MEGF11: variants seen among roughly 807,000 people sequenced by gnomAD.
MEGF11 encodes the protein multiple EGF like domains 11, also known as multiple epidermal growth factor-like domains protein 11.
A neutral mutation model predicts 146.6 loss-of-function variants in MEGF11; 126 were observed. The observed-to-expected ratio is 0.86, with a 90% CI of 0.74 to 1.00. The LOEUF is 1.00. MEGF11 is among the 50% of genes least tolerant of loss of function. The pLI is 0.00. For synonymous variants in MEGF11, 532 were observed against 583.4 expected (o/e 0.91, Z 1.27); for missense variants, 1,509 against 1,521.2 (o/e 0.99, Z 0.13).
In MEGF11 at chr15:65,913,940, G is replaced by A. The variant is rs759073662; in HGVS notation, c.2507C>T (p.Thr836Ile). ...ALMMEELNPY[T>I]KISPALGAER... is the part of the protein sequence containing the mutation. The stretch of plus-strand genomic sequence containing the variant: ...TGCACCCAGTGCTGGGCTGATCTTG[G>A]TGTAGGGATTCAGCTCCTCCATCAT... The change falls in exon 20 of 26, where the codon ACC (threonine) becomes ATC (isoleucine). Residue 836 changes from threonine to isoleucine, a missense_variant. Transcript: ENST00000395614. 3 of 1,613,952 alleles carry A rather than the reference G, an allele frequency of 1.9e-6. No individual in the cohort carries two copies. Among genetic ancestry groups the A allele is most frequent in the South Asian group, 2.2e-5 (2 of 91,080 alleles).
At chr15:66,079,297 G>A (rs1163245149) in intron 5 of MEGF11, among the ~76,000 whole-genome samples, 2 of 152,184 alleles carry the variant, frequency 1.3e-5, no homozygotes, top group Non-Finnish European at 2.9e-5. Flanking sequence ...TTCCTGGTGG[G>A]CATCTGTTGT....
intron 1 of MEGF11, among the ~76,000 whole-genome samples, chr15:66,196,031 A>G (rs2091001230): frequency 6.6e-6 from 1 of 152,188 alleles, no homozygotes; most frequent in African/African-American, 2.4e-5. Context: ...AGCTGAGGAA[A>G]CAGTATGTGC....
chr15:66,147,425 G>A (rs34811858), intron 1 of MEGF11, among the ~76,000 whole-genome samples: 6,989 of 152,298 alleles, frequency 0.046, 284 homozygotes, highest in East Asian at 0.23. Flanking sequence ...ATATTCTAAC[G>A]GGAAAGAGAA....
intron 1 of MEGF11, among the ~76,000 whole-genome samples, chr15:66,243,329 C>T (rs1354563189): frequency 1.3e-5 from 2 of 152,194 alleles, no homozygotes; most frequent in African/African-American, 4.8e-5. Flanking sequence ...ATGCTGGGAT[C>T]AGAGAGGGGC....
rs533299855 is a variant in MEGF11, at chr15:65,913,903, C to T, written c.2544G>A (p.Ser848=). Residue 848 remains serine, a synonymous_variant, in exon 20 of 26, where the codon TCG becomes TCA. Transcript: ENST00000395614. Reference sequence around the variant, plus strand: ...GCATGATGCCTGTGACAGCACCCACCGAGTGCCGCTCTGCACCCAGTGCTG... The same window carrying T: ...GCATGATGCCTGTGACAGCACCCACTGAGTGCCGCTCTGCACCCAGTGCTG... ...ISPALGAERH[S]VGAVTGIMLL... 16 of 1,614,022 alleles carry T rather than the reference C, an allele frequency of 9.9e-6. No individual in the cohort carries two copies. The highest frequency in any genetic ancestry group is 5.5e-5 in the South Asian group (5 of 91,078).
At chr15:65,975,035 T>C (rs944339814) in intron 7 of MEGF11, among the ~76,000 whole-genome samples, 2 of 151,970 alleles carry the variant, frequency 1.3e-5, no homozygotes, top group Non-Finnish European at 2.9e-5. Flanking sequence ...TTAGTAGAGA[T>C]GGGGTTTCAC....
intron 15 of MEGF11, among the ~76,000 whole-genome samples, chr15:65,918,551 G>A (rs972729442): frequency 2.0e-5 from 3 of 152,260 alleles, no homozygotes; most frequent in Non-Finnish European, 2.9e-5. Flanking sequence ...CAAATGCCAT[G>A]TGGCAGGCCT....
chr15:65,909,179 C>G (rs1567150351), intron 22 of MEGF11, 44 bp from the exon 23 acceptor site: 4 of 1,354,248 alleles, frequency 3.0e-6, no homozygotes, highest in Non-Finnish European at 4.1e-6. Flanking sequence ...TCCCAGGGCC[C>G]TGGTATAGCA....
chr15:65,993,156 C>T (rs548066112), intron 5 of MEGF11, among the ~76,000 whole-genome samples: 1 of 152,302 alleles, frequency 6.6e-6, no homozygotes, highest in South Asian at 2.1e-4. Context: ...CAAGTCAGCA[C>T]TCATGCACCA....
At chr15:66,189,260 A>G (rs950951493) in intron 1 of MEGF11, among the ~76,000 whole-genome samples, 3 of 152,182 alleles carry the variant, frequency 2.0e-5, no homozygotes, top group Non-Finnish European at 2.9e-5. Context: ...GAGGCCAAGG[A>G]ATCCAAGCTT....
chr15:65,993,109 G>A (rs1292737998), intron 5 of MEGF11, among the ~76,000 whole-genome samples: 1 of 152,170 alleles, frequency 6.6e-6, no homozygotes, highest in Admixed American at 6.5e-5. Flanking sequence ...CTCCCGGCAG[G>A]AGCACCCCGC....
intron 1 of MEGF11, among the ~76,000 whole-genome samples, chr15:66,205,789 C>T (rs528428237): frequency 6.6e-6 from 1 of 152,302 alleles, no homozygotes; most frequent in East Asian, 1.9e-4. Flanking sequence ...AAAGCAGCCC[C>T]ACCTCCTTCC....
chr15:66,132,547 GCAGT>G (rs1053620764), intron 1 of MEGF11, among the ~76,000 whole-genome samples: 74 of 152,318 alleles, frequency 4.9e-4, no homozygotes, highest in Middle Eastern at 3.4e-3. Context: ...AGGAGTGGCA[GCAGT>G]CAGACACTAT....
At position 65,912,230 on chromosome 15, in the gene MEGF11, T is replaced by C. The variant is rs546520714; in HGVS notation, c.2711-30A>G. 13 of 1,195,204 alleles carry C rather than the reference T, an allele frequency of 1.1e-5. No homozygotes were observed. The South Asian group carries it at 4.7e-4, about 43-fold the overall frequency. 74.0% of individuals were successfully genotyped at this position (1,195,204 alleles called of 1,614,324 possible). On this transcript the variant is annotated intron_variant, in intron 20 of 25. Coordinates refer to ENST00000395614, the MANE Select transcript of MEGF11 (RefSeq NM_001385028.1). ...GAAGAGAACAAGGTGCCACATACCA[T>C]CATACCCCTGCCCCTGGCATGAGAT...
intron 5 of MEGF11, among the ~76,000 whole-genome samples, chr15:66,078,047 G>A (rs2085668294): frequency 6.6e-6 from 1 of 152,178 alleles, no homozygotes; most frequent in South Asian, 2.1e-4. Context: ...GAGGGGTTGG[G>A]GAGGGAAGGC....
At chr15:65,933,305 C>T (rs948519498) in intron 10 of MEGF11, among the ~76,000 whole-genome samples, 17 of 152,240 alleles carry the variant, frequency 1.1e-4, no homozygotes, top group South Asian at 4.1e-4. Flanking sequence ...GGACTGGGTG[C>T]AGACTGCAGG....
intron 1 of MEGF11, among the ~76,000 whole-genome samples, chr15:66,205,624 C>G (rs552221877): frequency 6.6e-6 from 1 of 152,222 alleles, no homozygotes; most frequent in Non-Finnish European, 1.5e-5. Flanking sequence ...CCTTCTCCAG[C>G]TAGTAACAAA....
At chr15:65,974,796 A>C (rs59589201) in intron 7 of MEGF11, among the ~76,000 whole-genome samples, 2,133 of 152,200 alleles carry the variant, frequency 0.014, 16 homozygotes, top group East Asian at 0.029. Context: ...TCTGGCTTCT[A>C]TCTGACTCAG....
intron 1 of MEGF11, among the ~76,000 whole-genome samples, chr15:66,165,861 A>AGGAATGGAGGT (rs2090083814): frequency 6.6e-6 from 1 of 152,102 alleles, no homozygotes; most frequent in Non-Finnish European, 1.5e-5. Flanking sequence ...AGCTCTACTC[A>AGGAATGGAGGT]GGAATGGAGG....
Sources: gnomAD v4.1 joint callset for allele counts (sites outside exome capture counted in the v4.1 genomes callset) on GRCh38, gnomAD v4.1.1 for gene constraint, MANE v1.5 for transcripts, NCBI Gene and HGNC (gene_info 2026-07-23, HGNC 2026-07-21) for gene names.